Variants in KCNH8 observed in about 807,000 individuals in gnomAD.
KCNH8 encodes voltage-gated delayed rectifier potassium channel KCNH8.
Under a neutral mutation model 103.6 loss-of-function variants are expected in KCNH8, and 70 were observed. The ratio of observed to expected loss-of-function variants is 0.68; its 90% CI spans 0.56 to 0.82. The LOEUF (loss-of-function observed/expected upper bound fraction) is 0.82, where lower values mean the gene tolerates loss of function less well. Among genes scored for constraint, KCNH8 ranks in the 40% least tolerant of loss-of-function variants. KCNH8 has a pLI of 0.00. For synonymous variants in KCNH8, 498 were observed against 489.4 expected (o/e 1.02, Z -0.23); for missense variants, 1,217 against 1,329.9 (o/e 0.92, Z 1.32).
intron 11 of KCNH8, among the ~76,000 whole-genome samples, chr3:19,491,952 T>G (rs905216811): frequency 6.6e-6 from 1 of 152,234 alleles, no homozygotes; most frequent in African/African-American, 2.4e-5. Flanking sequence ...CATATGTTTG[T>G]TGGCCACTTG....
At chr3:19,320,933 T>G (rs2065342119) in intron 3 of KCNH8, among the ~76,000 whole-genome samples, 1 of 151,980 alleles carries the variant, frequency 6.6e-6, no homozygotes, top group African/African-American at 2.4e-5. Flanking sequence ...TCCAGGAATT[T>G]ATTCATCTCC....
At chr3:19,293,786 G>A (rs2064961487) in intron 3 of KCNH8, among the ~76,000 whole-genome samples, 1 of 152,110 alleles carries the variant, frequency 6.6e-6, no homozygotes, top group Admixed American at 6.6e-5. Context: ...CTTTTGTTGA[G>A]GATCTTATCT....
At chr3:19,521,835 T>C (rs201498885) in intron 15 of KCNH8, among the ~76,000 whole-genome samples, 2 of 151,952 alleles carry the variant, frequency 1.3e-5, no homozygotes, top group East Asian at 3.9e-4. Context: ...AGCAAATAGA[T>C]GCATATACTA....
intron 1 of KCNH8, among the ~76,000 whole-genome samples, chr3:19,239,922 G>A (rs1375239413): frequency 6.6e-6 from 1 of 152,044 alleles, no homozygotes; most frequent in East Asian, 1.9e-4. Flanking sequence ...AGCCATGCTG[G>A]TATCTTTATG....
At chr3:19,300,751 A>G (rs1353274009) in intron 3 of KCNH8, among the ~76,000 whole-genome samples, 1 of 152,006 alleles carries the variant, frequency 6.6e-6, no homozygotes, top group African/African-American at 2.4e-5. Flanking sequence ...TTAAATTTAT[A>G]GGCATTTAGA....
At chr3:19,202,609 A>T (rs867474130) in intron 1 of KCNH8, among the ~76,000 whole-genome samples, 1 of 152,156 alleles carries the variant, frequency 6.6e-6, no homozygotes, top group South Asian at 2.1e-4. Context: ...ATGAGAAATT[A>T]TGCTTTTGGT....
chr3:19,188,745 A>T (rs2063525219), intron 1 of KCNH8, among the ~76,000 whole-genome samples: 1 of 152,134 alleles, frequency 6.6e-6, no homozygotes, highest in South Asian at 2.1e-4. Flanking sequence ...AAGCTTTTTT[A>T]AAAAATAAAT....
intron 7 of KCNH8, among the ~76,000 whole-genome samples, chr3:19,437,565 C>T (rs1020572519): frequency 4.6e-5 from 7 of 152,158 alleles, no homozygotes; most frequent in Non-Finnish European, 1.0e-4. Flanking sequence ...CCCCTTCCAA[C>T]CCTAATTTCG....
intron 5 of KCNH8, among the ~76,000 whole-genome samples, chr3:19,353,902 A>G (rs547552407): frequency 2.0e-5 from 3 of 152,254 alleles, no homozygotes; most frequent in East Asian, 3.9e-4. Context: ...GGCAGGAGAA[A>G]GAAATAAAGG....
At chr3:19,457,192 A>G (rs1343856752) in intron 11 of KCNH8, among the ~76,000 whole-genome samples, 1 of 152,020 alleles carries the variant, frequency 6.6e-6, no homozygotes. Flanking sequence ...ATTTTTCATG[A>G]ATGACTTCTC....
At chr3:19,186,309 A>G (rs1002553487) in intron 1 of KCNH8, among the ~76,000 whole-genome samples, 5 of 151,574 alleles carry the variant, frequency 3.3e-5, no homozygotes, top group African/African-American at 1.2e-4. Flanking sequence ...AAAAAGAAAA[A>G]AAATTGCAAC....
At chr3:19,206,113 C>T (rs78968416) in intron 1 of KCNH8, among the ~76,000 whole-genome samples, 4 of 146,440 alleles carry the variant, frequency 2.7e-5, no homozygotes, top group African/African-American at 1.1e-4. Flanking sequence ...GTCTCCAGTC[C>T]CATCCAGGTT....
chr3:19,258,945 CTCTATATATATA>C (rs1293884102), intron 2 of KCNH8, among the ~76,000 whole-genome samples: 94 of 42,246 alleles, frequency 2.2e-3, no homozygotes, highest in South Asian at 7.3e-3. Flanking sequence ...CTCTCTCTCT[CTCTATATATATA>C]TATATATATA....
rs11422314 is a variant in KCNH8, at chr3:19,400,231, C to CAAAAAA, written c.1177+4939_1177+4944dup. ...CCCTACCAGATACGATGTTAGCCAG[C>CAAAAAA]AAAAAAAAAAAAAAAAAAAAAAAAG... On this transcript the variant is annotated intron_variant, in intron 7 of 15. Transcript: ENST00000328405. Among the ~76,000 whole-genome samples the CAAAAAA allele has an allele frequency of 3.4e-3, 183 of 53,044 alleles. 4 individuals carry two copies. Among genetic ancestry groups the CAAAAAA allele is most frequent in the Middle Eastern group, 0.026 (1 of 38 alleles). 34.8% of individuals were successfully genotyped at this position (53,044 alleles called of 152,430 possible).
chr3:19,468,402 G>T (rs568786784), intron 11 of KCNH8, among the ~76,000 whole-genome samples: 3 of 152,136 alleles, frequency 2.0e-5, no homozygotes, highest in African/African-American at 2.4e-5. Flanking sequence ...AAAATGAGAA[G>T]CAAAAAACAA....
chr3:19,153,832 C>A (rs546833945), intron 1 of KCNH8, among the ~76,000 whole-genome samples: 29 of 152,032 alleles, frequency 1.9e-4, no homozygotes, highest in African/African-American at 7.0e-4. Flanking sequence ...CGGGGTTTCA[C>A]CATCTTGGCC....
At chr3:19,303,000 A>T (rs887665999) in intron 3 of KCNH8, among the ~76,000 whole-genome samples, 1 of 152,254 alleles carries the variant, frequency 6.6e-6, no homozygotes, top group Non-Finnish European at 1.5e-5. Context: ...TCATCTTATG[A>T]TTGCAAAACC....
intron 11 of KCNH8, among the ~76,000 whole-genome samples, chr3:19,507,465 T>C (rs2068714932): frequency 1.3e-5 from 2 of 152,086 alleles, no homozygotes; most frequent in Non-Finnish European, 2.9e-5. Flanking sequence ...TTATGGTGTG[T>C]AGTGTGCTGA....
chr3:19,489,385 CTT>C (rs1447658162), intron 11 of KCNH8, among the ~76,000 whole-genome samples: 1 of 152,114 alleles, frequency 6.6e-6, no homozygotes, highest in African/African-American at 2.4e-5. Context: ...TGCCTGTCCT[CTT>C]AACCACTGTG....
Sources: gnomAD v4.1 joint callset for allele counts (sites outside exome capture counted in the v4.1 genomes callset) on GRCh38, gnomAD v4.1.1 for gene constraint, MANE v1.5 for transcripts, NCBI Gene and HGNC (gene_info 2026-07-23, HGNC 2026-07-21) for gene names.